The following F9 variants were observed in gnomAD, a reference collection of about 807,000 sequenced individuals.
The protein encoded by F9 is coagulation factor IX.
A neutral mutation model predicts 34.1 loss-of-function variants in F9; 2 were observed. The ratio of observed to expected loss-of-function variants is 0.06; its 90% CI spans 0.02 to 0.18. The LOEUF is 0.18. Ranked by LOEUF, F9 falls within the 10% of genes least tolerant of loss-of-function variation. The probability of loss-of-function intolerance (pLI) is 1.00; values close to 1 mark genes in which losing one functional copy is unlikely to be tolerated. For missense variants in F9, 216 were observed against 345.1 expected (o/e 0.63, Z 2.96); for synonymous variants, 137 against 118.8 (o/e 1.15, Z -1.00).
intron 4 of F9, among the ~76,000 whole-genome samples, chrX:139,544,350 T>TTTAATTAA (rs1213171831): frequency 9.1e-6 from 1 of 109,979 alleles, no homozygotes; most frequent in African/African-American, 3.4e-5. Flanking sequence ...AGAAAGGCCT[T>TTTAATTAA]TTAATTAATT....
At chrX:139,556,750 T>C (rs1489299510) in intron 6 of F9, among the ~76,000 whole-genome samples, 2 of 112,445 alleles carry the variant, frequency 1.8e-5, no homozygotes, top group Non-Finnish European at 3.8e-5. Context: ...AATGACTAGT[T>C]AACCATTAAA....
At chrX:139,531,598 TTG>T (rs1927346066) in intron 1 of F9, among the ~76,000 whole-genome samples, 1 of 112,507 alleles carries the variant, frequency 8.9e-6, no homozygotes, top group Non-Finnish European at 1.9e-5. Context: ...ATATATCACT[TTG>T]TTTTTTCACA....
chrX:139,536,209 ACACACAC>A (rs1569481873), intron 1 of F9, among the ~76,000 whole-genome samples: 1 of 106,657 alleles, frequency 9.4e-6, no homozygotes, highest in Non-Finnish European at 1.9e-5. Flanking sequence ...ATACATATAT[ACACACAC>A]ATATATATGT....
chrX:139,540,085 A>G (rs189888166), intron 3 of F9, among the ~76,000 whole-genome samples: 1 of 110,798 alleles, frequency 9.0e-6, no homozygotes, highest in Admixed American at 9.7e-5. Flanking sequence ...AGTCTTACAG[A>G]TCAAGCTCCT....
intron 6 of F9, among the ~76,000 whole-genome samples, chrX:139,552,150 C>T (rs948103041): frequency 1.8e-5 from 2 of 111,751 alleles, no homozygotes; most frequent in Non-Finnish European, 3.8e-5. Context: ...ATTGTGATCA[C>T]ACCACTGCAC....
intron 3 of F9, 79 bp from the exon 4 acceptor site, chrX:139,540,997 C>T: frequency 1.4e-6 from 1 of 729,962 alleles, no homozygotes; most frequent in Non-Finnish European, 2.1e-6. Flanking sequence ...AGACTCCCAT[C>T]CCAATGAGTA....
At chrX:139,556,654 T>C (rs1221384323) in intron 6 of F9, among the ~76,000 whole-genome samples, 1 of 112,425 alleles carries the variant, frequency 8.9e-6, no homozygotes. Context: ...GAACGTGACA[T>C]GTGTAATCGC....
At position 139,560,932 on chromosome X, in the gene F9, G is replaced by A. The variant is rs751637378; in HGVS notation, c.838+77G>A. Reference sequence around the variant, plus strand: ...GATTGGTACACCATATTTTACTAAGGTCTAATAAAATTGTTGTTGAATAAA... The same window carrying A: ...GATTGGTACACCATATTTTACTAAGATCTAATAAAATTGTTGTTGAATAAA... On this transcript the variant is annotated intron_variant, in intron 7 of 7. Transcript: ENST00000218099. 18 of 817,908 alleles carry A rather than the reference G, an allele frequency of 2.2e-5. No homozygotes were observed. In the South Asian group the frequency reaches 3.7e-4, roughly 17 times the overall value. The allele number at this position is 817,908 out of a possible 1,213,427, so 67.4% of individuals were successfully genotyped here.
At chrX:139,542,795 T>C (rs1185616117) in intron 4 of F9, among the ~76,000 whole-genome samples, 2 of 111,729 alleles carry the variant, frequency 1.8e-5, no homozygotes, top group Non-Finnish European at 3.8e-5. Context: ...GCAAAAATGC[T>C]AAGTCTACAA....
intron 4 of F9, 151 bp from the exon 5 acceptor site, chrX:139,548,212 C>T: frequency 3.8e-6 from 2 of 519,558 alleles, no homozygotes; most frequent in South Asian, 6.8e-5. Flanking sequence ...ACTCTTATTT[C>T]AAGGCTCCAA....
At chrX:139,558,898 G>A (rs913323632) in intron 6 of F9, among the ~76,000 whole-genome samples, 17 of 111,883 alleles carry the variant, frequency 1.5e-4, no homozygotes, top group Non-Finnish European at 2.6e-4. Context: ...TGATTCTACT[G>A]CAATTGGTCC....
chrX:139,546,787 C>T (rs978561989), intron 4 of F9, among the ~76,000 whole-genome samples: 1 of 110,948 alleles, frequency 9.0e-6, no homozygotes, highest in Non-Finnish European at 1.9e-5. Flanking sequence ...AATTATGAGA[C>T]GTTATTGAGA....
chrX:139,561,927 C>T lies in F9; in HGVS notation c.1242C>T (p.Pro414=), dbSNP rs1293155742. The T allele has an allele frequency of 8.3e-7, 1 of 1,211,606 alleles. No individual in the cohort carries two copies. Among genetic ancestry groups the T allele is most frequent in the African/African-American group, 1.7e-5 (1 of 57,771 alleles). The change falls in exon 8 of 8, where the codon CCC becomes CCT. Residue 414 remains proline (P), a synonymous_variant. Transcript: ENST00000218099. ...CATGTCAAGGAGATAGTGGGGGACCCCATGTTACTGAAGTGGAAGGGACCA... is the reference window on the plus strand; with the variant it reads ...CATGTCAAGGAGATAGTGGGGGACCTCATGTTACTGAAGTGGAAGGGACCA... ...RDSCQGDSGG[P]HVTEVEGTSF...
chrX:139,534,954 A>T (rs930170313), intron 1 of F9, among the ~76,000 whole-genome samples: 5 of 111,499 alleles, frequency 4.5e-5, no homozygotes, highest in African/African-American at 1.6e-4. Flanking sequence ...GTCTGGGAAG[A>T]GAAGGATGAA....
intron 1 of F9, among the ~76,000 whole-genome samples, chrX:139,536,186 T>C (rs745423333): frequency 1.1e-5 from 1 of 87,692 alleles, no homozygotes; most frequent in East Asian, 3.0e-4. Context: ...CATATATATG[T>C]GTACATATAT....
intron 6 of F9, among the ~76,000 whole-genome samples, chrX:139,553,739 G>T (rs747807226): frequency 8.6e-5 from 9 of 104,212 alleles, no homozygotes; most frequent in African/African-American, 3.2e-4. Flanking sequence ...CGTGAACCGG[G>T]GAGGCGGAGC....
intron 4 of F9, among the ~76,000 whole-genome samples, chrX:139,545,362 G>A (rs1478694428): frequency 9.0e-6 from 1 of 111,703 alleles, no homozygotes; most frequent in Non-Finnish European, 1.9e-5. Context: ...AACAAGTCCT[G>A]AAACATGGTA....
rs1052933700 is a variant in F9, at chrX:139,555,157, A to G, written c.723+3893A>G. On this transcript the variant is annotated intron_variant, in intron 6 of 7. Transcript: ENST00000218099. Reference sequence around the variant, plus strand: ...AGCATTGGGAGCAAATGTTGATTGAACAAATGTTTGTCGGAATTGTTGACT... The same window carrying G: ...AGCATTGGGAGCAAATGTTGATTGAGCAAATGTTTGTCGGAATTGTTGACT... Among the ~76,000 whole-genome samples, 3 of 112,097 alleles carry G rather than the reference A, an allele frequency of 2.7e-5. No individual in the cohort carries two copies. The South Asian group carries it at 1.1e-3, about 42-fold the overall frequency.
chrX:139,560,086 T>C (rs1056278856), intron 6 of F9, among the ~76,000 whole-genome samples: 1 of 112,042 alleles, frequency 8.9e-6, no homozygotes, highest in Admixed American at 9.5e-5. Context: ...GCTAAGTTGA[T>C]ATTTTAGGAC....
Sources: allele counts gnomAD v4.1 joint callset (sites outside exome capture counted in the v4.1 genomes callset), GRCh38; gene constraint gnomAD v4.1.1; transcripts MANE v1.5; gene names NCBI Gene and HGNC (gene_info 2026-07-23, HGNC 2026-07-21).